The following RGS6 variants were observed in gnomAD, a reference collection of about 807,000 sequenced individuals.
The protein encoded by RGS6 is regulator of G-protein signaling 6.
In RGS6, 30 loss-of-function variants were observed where a neutral mutation model predicts 78.5. That is an observed-to-expected ratio of 0.38 (90% CI 0.29 to 0.52). The LOEUF is 0.52. Among genes scored for constraint, RGS6 ranks in the 20% least tolerant of loss-of-function variants. RGS6 has a pLI of 0.85. For missense variants in RGS6, 495 were observed against 609.7 expected (o/e 0.81, Z 1.98); for synonymous variants, 206 against 206.0 (o/e 1.00, Z 0.00).
At chr14:72,147,575 T>C (rs2096622409) in intron 2 of RGS6, among the ~76,000 whole-genome samples, 1 of 152,220 alleles carries the variant, frequency 6.6e-6, no homozygotes, top group Non-Finnish European at 1.5e-5. Flanking sequence ...TTCCCAACAC[T>C]GTTGCATGGG....
At chr14:71,974,109 C>G (rs2153086579) in intron 2 of RGS6, among the ~76,000 whole-genome samples, 1 of 152,174 alleles carries the variant, frequency 6.6e-6, no homozygotes, top group South Asian at 2.1e-4. Flanking sequence ...GGCAGTTGAT[C>G]ACTCTTGTTA....
At chr14:71,920,802 G>A in the RGS6 span, among the ~76,000 whole-genome samples, 1 of 152,188 alleles carries the variant, frequency 6.6e-6, no homozygotes, top group East Asian at 1.9e-4. Context: ...TCTGGGCAAT[G>A]ATTTTTTAGA....
the RGS6 span, among the ~76,000 whole-genome samples, chr14:72,593,448 C>T: frequency 1.3e-5 from 2 of 152,068 alleles, no homozygotes; most frequent in African/African-American, 2.4e-5. Flanking sequence ...TACAGCAGTG[C>T]GATCTCGGCT....
chr14:72,404,199 G>T (rs75897684), intron 3 of RGS6, among the ~76,000 whole-genome samples: 1 of 152,168 alleles, frequency 6.6e-6, no homozygotes, highest in South Asian at 2.1e-4. Context: ...AGGAGGTGTA[G>T]GTCAAAGTCG....
chr14:72,248,909 ACCATGTTAATTAACT>A (rs2054916587), intron 2 of RGS6, among the ~76,000 whole-genome samples: 1 of 152,194 alleles, frequency 6.6e-6, no homozygotes, highest in African/African-American at 2.4e-5. Context: ...AACTTTATTG[ACCATGTTAATTAACT>A]CCCTCTTTTT....
intron 2 of RGS6, among the ~76,000 whole-genome samples, chr14:72,128,812 T>A (rs12434682): frequency 0.43 from 64,837 of 152,002 alleles, 14,710 homozygotes; most frequent in Non-Finnish European, 0.5. Flanking sequence ...AACGTATGCG[T>A]GTGCATCTTC....
chr14:71,907,627 T>A, the RGS6 span, among the ~76,000 whole-genome samples: 3 of 151,660 alleles, frequency 2.0e-5, no homozygotes, highest in Non-Finnish European at 4.4e-5. Flanking sequence ...GGTGGGGGGA[T>A]ATGTTCAGAT....
chr14:72,174,636 C>T (rs1293138623), intron 2 of RGS6, among the ~76,000 whole-genome samples: 2 of 152,200 alleles, frequency 1.3e-5, no homozygotes, highest in Non-Finnish European at 2.9e-5. Flanking sequence ...AGTCAGAGTG[C>T]ATGAACTGTG....
the RGS6 span, among the ~76,000 whole-genome samples, chr14:71,916,378 T>C: frequency 6.6e-6 from 1 of 152,180 alleles, no homozygotes; most frequent in East Asian, 1.9e-4. Flanking sequence ...TGAAATGGCT[T>C]ATGCTTTGTG....
chr14:72,047,896 TTG>T (rs1491128728), intron 2 of RGS6, among the ~76,000 whole-genome samples: 406 of 27,754 alleles, frequency 0.015, 31 homozygotes, highest in East Asian at 0.1. Flanking sequence ...CAGCTAATTT[TTG>T]TTTTTTTTTT....
At chr14:72,195,503 A>G (rs1266685816) in intron 2 of RGS6, among the ~76,000 whole-genome samples, 2 of 152,206 alleles carry the variant, frequency 1.3e-5, no homozygotes, top group Non-Finnish European at 2.9e-5. Context: ...GCCAGGGGCT[A>G]CTGAGTCCTC....
chr14:71,880,225 G>C, the RGS6 span, among the ~76,000 whole-genome samples: 1 of 152,310 alleles, frequency 6.6e-6, no homozygotes, highest in South Asian at 2.1e-4. Context: ...GCTGTTAAAG[G>C]CATTCAGTTT....
chr14:72,370,511 C>G (rs1026375051), intron 3 of RGS6, among the ~76,000 whole-genome samples: 2 of 152,186 alleles, frequency 1.3e-5, no homozygotes, highest in East Asian at 3.9e-4. Flanking sequence ...GAGGCTACAT[C>G]TTAACCGCAC....
intron 2 of RGS6, among the ~76,000 whole-genome samples, chr14:72,229,075 G>T (rs575088435): frequency 3.0e-4 from 39 of 129,324 alleles, no homozygotes; most frequent in African/African-American, 8.5e-4. Context: ...CCTTCCTTGT[G>T]AAATCATTGT....
intron 1 of RGS6, among the ~76,000 whole-genome samples, chr14:71,957,883 A>C (rs2092911054): frequency 6.6e-6 from 1 of 152,028 alleles, no homozygotes; most frequent in Non-Finnish European, 1.5e-5. Context: ...CTCCCACATC[A>C]GCCTCCCGAG....
chr14:72,203,973 C>T (rs897366360), intron 2 of RGS6, among the ~76,000 whole-genome samples: 11 of 151,866 alleles, frequency 7.2e-5, no homozygotes, highest in African/African-American at 2.4e-4. Context: ...TATAAGTGTG[C>T]ACCACCACAC....
At chr14:72,025,487 G>A (rs567336660) in intron 2 of RGS6, among the ~76,000 whole-genome samples, 1 of 152,270 alleles carries the variant, frequency 6.6e-6, no homozygotes, top group African/African-American at 2.4e-5. Context: ...ATTAACCTCT[G>A]AGAGAGGTTG....
the RGS6 span, among the ~76,000 whole-genome samples, chr14:71,897,182 A>G: frequency 0.78 from 118,146 of 152,230 alleles, 46,113 homozygotes; most frequent in African/African-American, 0.84. Flanking sequence ...ATAATTGTTT[A>G]TTGAATCAAT....
chr14:72,389,698 G>A (rs927149066), intron 3 of RGS6, among the ~76,000 whole-genome samples: 5 of 152,116 alleles, frequency 3.3e-5, no homozygotes, highest in African/African-American at 1.2e-4. Flanking sequence ...CCCAATAATT[G>A]TGGTTGGCTA....
Sources: allele counts gnomAD v4.1 joint callset (sites outside exome capture counted in the v4.1 genomes callset), GRCh38; gene constraint gnomAD v4.1.1; transcripts MANE v1.5; gene names NCBI Gene and HGNC (gene_info 2026-07-23, HGNC 2026-07-21).